SORCS1: variants seen among roughly 807,000 people sequenced by gnomAD.
SORCS1 encodes sortilin related VPS10 domain containing receptor 1.
SORCS1 carries 60 observed loss-of-function variants against 146.1 expected under a neutral mutation model. The observed-to-expected ratio is 0.41, with a 90% CI of 0.33 to 0.51. The LOEUF (loss-of-function observed/expected upper bound fraction) is 0.51, where lower values mean the gene tolerates loss of function less well. Among genes scored for constraint, SORCS1 ranks in the 20% least tolerant of loss-of-function variants. The pLI, the probability that SORCS1 is intolerant of heterozygous loss-of-function variation, is 0.21. For missense variants in SORCS1, 1,352 were observed against 1,487.6 expected (o/e 0.91, Z 1.50); for synonymous variants, 637 against 584.0 (o/e 1.09, Z -1.31).
intron 2 of SORCS1, among the ~76,000 whole-genome samples, chr10:106,933,083 T>C (rs1953501433): frequency 6.6e-6 from 1 of 152,196 alleles, no homozygotes; most frequent in African/African-American, 2.4e-5. Flanking sequence ...AGATGATGAA[T>C]TTGCATCCTT....
At chr10:107,079,018 G>A (rs1297038216) in intron 1 of SORCS1, among the ~76,000 whole-genome samples, 1 of 152,210 alleles carries the variant, frequency 6.6e-6, no homozygotes, top group Non-Finnish European at 1.5e-5. Context: ...GAGGTCAGGA[G>A]ATCGAGACCA....
rs188284667 is a variant in SORCS1 at position 106,638,591 on chromosome 10, G to T, written c.2476-9203C>A. Among the ~76,000 whole-genome samples, 109 of 152,228 alleles carry T rather than the reference G, an allele frequency of 7.2e-4. 1 individual carries two copies. Among genetic ancestry groups the T allele is most frequent in the African/African-American group, 2.5e-3 (105 of 41,542 alleles). On this transcript the variant is annotated intron_variant, in intron 18 of 25. Transcript: ENST00000263054. ...ATCACTATACTATTTTTAGCATTAT[G>T]CAGTCAATATGTTTAAATAGCTTAA...
intron 6 of SORCS1, among the ~76,000 whole-genome samples, chr10:106,712,441 A>G (rs1027910458): frequency 1.3e-5 from 2 of 152,168 alleles, no homozygotes; most frequent in Non-Finnish European, 2.9e-5. Flanking sequence ...GAACTCGGAT[A>G]AAACAAATGT....
At chr10:106,850,517 C>G (rs1949520208) in intron 2 of SORCS1, among the ~76,000 whole-genome samples, 1 of 152,118 alleles carries the variant, frequency 6.6e-6, no homozygotes, top group Non-Finnish European at 1.5e-5. Context: ...CCCGGTACCT[C>G]AGATGGAAAT....
chr10:106,749,426 C>T (rs1474683001), intron 5 of SORCS1, among the ~76,000 whole-genome samples: 3 of 152,174 alleles, frequency 2.0e-5, no homozygotes, highest in African/African-American at 7.2e-5. Flanking sequence ...CCATATGCTT[C>T]CTTAGGCATT....
intron 1 of SORCS1, among the ~76,000 whole-genome samples, chr10:107,133,911 T>C (rs1272984315): frequency 6.6e-6 from 1 of 152,226 alleles, no homozygotes; most frequent in African/African-American, 2.4e-5. Context: ...CAAGCAGTCC[T>C]TTACACTGTG....
At chr10:106,647,795 C>T (rs918518383) in intron 18 of SORCS1, among the ~76,000 whole-genome samples, 1 of 152,144 alleles carries the variant, frequency 6.6e-6, no homozygotes. Flanking sequence ...ACAAAAAGCA[C>T]TGAAGTGACA....
intron 1 of SORCS1, among the ~76,000 whole-genome samples, chr10:106,979,582 C>CA (rs1311829493): frequency 1.3e-5 from 2 of 151,280 alleles, no homozygotes; most frequent in African/African-American, 2.4e-5. Flanking sequence ...AACAAACAAA[C>CA]AAAAAACAAA....
intron 2 of SORCS1, among the ~76,000 whole-genome samples, chr10:106,868,750 A>T (rs927788627): frequency 6.6e-6 from 1 of 152,240 alleles, no homozygotes; most frequent in African/African-American, 2.4e-5. Context: ...ACTTAGAAAG[A>T]TCTCAAATTA....
intron 3 of SORCS1, among the ~76,000 whole-genome samples, chr10:106,802,788 C>A (rs577222704): frequency 7.6e-4 from 116 of 151,872 alleles, no homozygotes; most frequent in Non-Finnish European, 1.5e-3. Flanking sequence ...CGTGAGCCAC[C>A]GTGCCCAGCC....
At chr10:106,860,948 G>A (rs1038574230) in intron 2 of SORCS1, among the ~76,000 whole-genome samples, 1 of 152,146 alleles carries the variant, frequency 6.6e-6, no homozygotes, top group African/African-American at 2.4e-5. Context: ...TGAATGCACT[G>A]TACTTGAAAT....
chr10:107,061,004 C>T (rs996989834), intron 1 of SORCS1, among the ~76,000 whole-genome samples: 15 of 152,140 alleles, frequency 9.9e-5, no homozygotes, highest in African/African-American at 3.6e-4. Flanking sequence ...CCAGATATAT[C>T]TATGAGTAAA....
intron 3 of SORCS1, among the ~76,000 whole-genome samples, chr10:106,822,286 T>C (rs946433814): frequency 1.3e-5 from 2 of 152,192 alleles, no homozygotes; most frequent in South Asian, 2.1e-4. Flanking sequence ...ATAGAATATA[T>C]GGCAATTTCG....
intron 3 of SORCS1, among the ~76,000 whole-genome samples, chr10:106,822,242 G>C (rs895193149): frequency 6.6e-6 from 1 of 152,150 alleles, no homozygotes; most frequent in African/African-American, 2.4e-5. Context: ...ATTTATGAAT[G>C]TTATAATAGG....
At chr10:107,045,655 C>A (rs1240373819) in intron 1 of SORCS1, among the ~76,000 whole-genome samples, 1 of 151,216 alleles carries the variant, frequency 6.6e-6, no homozygotes, top group African/African-American at 2.4e-5. Context: ...AGGGGCCATG[C>A]CAATATTTTA....
intron 1 of SORCS1, among the ~76,000 whole-genome samples, chr10:107,084,394 C>T (rs921771766): frequency 2.6e-5 from 4 of 151,808 alleles, no homozygotes; most frequent in African/African-American, 4.8e-5. Flanking sequence ...TGAGCCGCCA[C>T]ACCTGGCCAG....
Position 107,074,414 on chromosome 10 carries a change from A to G in SORCS1, c.558+89555T>C, listed in dbSNP as rs182000473. Among the ~76,000 whole-genome samples, 303 of 152,248 alleles carry G rather than the reference A, an allele frequency of 2.0e-3. 8 individuals are homozygous for G. The highest frequency in any genetic ancestry group is 0.016 in the Admixed American group (250 of 15,286). ...GGCTGAGTAATACTCCATTTTCTGG[A>G]TGGTGCCACAGTTTCTTTGTCCATT... On this transcript the variant is annotated intron_variant, in intron 1 of 25. Coordinates refer to ENST00000263054, the MANE Select transcript of SORCS1 (RefSeq NM_052918.5).
At position 106,674,328 on chromosome 10, in the gene SORCS1, CAAAAAAAAAAAAAA is replaced by C. The variant is rs10658432; in HGVS notation, c.1940+707_1940+720del. ...TGGGCGACAGAGTAAGACTCCGTCT[CAAAAAAAAAAAAAA>C]AAAAAAAAAAAAAAAGTAGTAGTGG... On this transcript the variant is annotated intron_variant, in intron 14 of 25. Coordinates refer to ENST00000263054, the MANE Select transcript of SORCS1 (RefSeq NM_052918.5). Among the ~76,000 whole-genome samples the C allele has an allele frequency of 4.7e-4, 13 of 27,374 alleles. 1 individual carries two copies. The highest frequency in any genetic ancestry group is 5.3e-3 in the South Asian group (2 of 374). 18.0% of individuals were successfully genotyped at this position (27,374 alleles called of 152,430 possible).
chr10:106,833,075 G>C (rs1326864820), intron 2 of SORCS1, among the ~76,000 whole-genome samples: 1 of 136,824 alleles, frequency 7.3e-6, no homozygotes, highest in Non-Finnish European at 1.7e-5. Flanking sequence ...TGACAATAGA[G>C]TGACTTAGTC....
Sources: allele counts gnomAD v4.1 joint callset (sites outside exome capture counted in the v4.1 genomes callset), GRCh38; gene constraint gnomAD v4.1.1; transcripts MANE v1.5; gene names NCBI Gene and HGNC (gene_info 2026-07-23, HGNC 2026-07-21).